MYCBP2: variants seen among roughly 807,000 people sequenced by gnomAD.
MYCBP2 encodes E3 ubiquitin-protein ligase MYCBP2.
MYCBP2 carries 120 observed loss-of-function variants against 525.3 expected under a neutral mutation model. That is an observed-to-expected ratio of 0.23 (90% CI 0.20 to 0.27). The LOEUF is 0.27. MYCBP2 is among the 10% of genes least tolerant of loss of function. The pLI, the probability that MYCBP2 is intolerant of heterozygous loss-of-function variation, is 1.00. For synonymous variants in MYCBP2, 1,894 were observed against 1,955.8 expected, an observed-to-expected ratio of 0.97 and a Z score of 0.83; for missense variants, 4,149 against 5,657.1, an observed-to-expected ratio of 0.73 and a Z score of 8.55.
In MYCBP2 at chr13:77,296,766, T is replaced by C. The variant is rs2078233626; in HGVS notation, c.303-92A>G. The C allele has an allele frequency of 5.9e-6, 6 of 1,016,592 alleles. No individual in the cohort carries two copies. In the South Asian group the frequency reaches 7.6e-5, roughly 13 times the overall value. 63.0% of individuals were successfully genotyped at this position (1,016,592 alleles called of 1,614,324 possible). A position where few individuals can be genotyped will look rare whatever the true frequency, so the allele number is the denominator to read the frequency against. On this transcript the variant is annotated intron_variant, in intron 1 of 82. Coordinates refer to ENST00000544440, the MANE Select transcript of MYCBP2 (RefSeq NM_015057.5). ...AAATGGGTATTTCCAAAGTAGACAT[T>C]TGGATCTTTTTCTTGCAAAATTTCT... is the stretch of plus-strand genomic sequence containing the variant.
chr13:77,180,948 G>C (rs1172634365), intron 33 of MYCBP2, among the ~76,000 whole-genome samples: 4 of 152,244 alleles, frequency 2.6e-5, no homozygotes, highest in Non-Finnish European at 5.9e-5. Flanking sequence ...TTTTTCTATA[G>C]GACAAGGTCT....
At chr13:77,048,274 C>A (rs1227449095) in intron 82 of MYCBP2, among the ~76,000 whole-genome samples, 1 of 152,130 alleles carries the variant, frequency 6.6e-6, no homozygotes, top group Non-Finnish European at 1.5e-5. Flanking sequence ...TGGGTCCTCA[C>A]CAGACACCTC....
intron 30 of MYCBP2, among the ~76,000 whole-genome samples, chr13:77,187,291 T>G (rs566421024): frequency 6.6e-5 from 10 of 152,220 alleles, no homozygotes; most frequent in African/African-American, 2.4e-4. Context: ...GATACCAAAC[T>G]CAACTTAAGA....
chr13:77,274,495 A>G (rs577511367), intron 4 of MYCBP2, among the ~76,000 whole-genome samples: 1 of 152,316 alleles, frequency 6.6e-6, no homozygotes, highest in Non-Finnish European at 1.5e-5. Flanking sequence ...AAGGGAAGGG[A>G]GAGAAGGAGG....
In MYCBP2 at chr13:77,097,761, T is replaced by C. The variant is rs762640470; in HGVS notation, c.9393A>G (p.Glu3131=). ...TCTCGGTTTTCCCATCCTCACATTTTTCATGCAGAGGTGGTTCCTTAAGCA... is the reference window on the plus strand; with the variant it reads ...TCTCGGTTTTCCCATCCTCACATTTCTCATGCAGAGGTGGTTCCTTAAGCA... The part of the protein sequence containing the change: ...LSMLKEPPLH[E]KCEDGKTETT... The change falls in exon 56 of 83, where the codon GAA becomes GAG. Residue 3131 remains glutamate (E), a synonymous_variant. Coordinates refer to ENST00000544440, the MANE Select transcript of MYCBP2 (RefSeq NM_015057.5). 6.2e-6 allele frequency: 10 copies of C among 1,613,694 alleles called. No homozygotes were observed. The highest frequency in any genetic ancestry group is 8.5e-6 in the Non-Finnish European group (10 of 1,179,780).
At chr13:77,179,403 A>G (rs2060008715) in intron 34 of MYCBP2, among the ~76,000 whole-genome samples, 1 of 152,158 alleles carries the variant, frequency 6.6e-6, no homozygotes, top group Non-Finnish European at 1.5e-5. Context: ...ACATTCCCCA[A>G]ATTCAGTCAA....
At chr13:77,209,360 C>T (rs1400240405) in intron 23 of MYCBP2, among the ~76,000 whole-genome samples, 1 of 152,152 alleles carries the variant, frequency 6.6e-6, no homozygotes, top group Non-Finnish European at 1.5e-5. Flanking sequence ...AAACAGATTC[C>T]ACACTGCCAA....
At chr13:77,166,666 A>C (rs960736037) in intron 40 of MYCBP2, 112 bp from the exon 41 acceptor site, 4 of 600,314 alleles carry the variant, frequency 6.7e-6, no homozygotes, top group African/African-American at 1.9e-5. Flanking sequence ...ACACAACAGG[A>C]TAAAGTACAA....
rs180807187 is a variant in MYCBP2 at position 77,165,905 on chromosome 13, A to G, written c.6340+424T>C. Among the ~76,000 whole-genome samples the G allele has an allele frequency of 2.6e-5, 4 of 152,336 alleles. No individual in the cohort carries two copies. In the East Asian group the frequency reaches 5.8e-4, roughly 22 times the overall value. ...AATGCAACAAACCATAAGTTTTAAA[A>G]CATAGTTTCTCTTCACACAAGAAAG... On this transcript the variant is annotated intron_variant, in intron 41 of 82. Transcript: ENST00000544440.
Position 77,051,937 on chromosome 13 carries a change from T to TGTGG in MYCBP2, c.13648-20_13648-19insCCAC. 6.3e-7 allele frequency: 1 copy of TGTGG among 1,599,072 alleles called. No individual in the cohort carries two copies. Among genetic ancestry groups the TGTGG allele is most frequent in the Admixed American group, 1.7e-5 (1 of 59,930 alleles). On this transcript the variant is annotated intron_variant, in intron 80 of 82. Transcript: ENST00000544440. ...AATATGCCTGTGGAGAAAACACATC[T>TGTGG]AGATTACAGCAGGAAAAAAGAAAAC...
At chr13:77,291,125 T>G (rs2154361507) in intron 2 of MYCBP2, among the ~76,000 whole-genome samples, 1 of 152,226 alleles carries the variant, frequency 6.6e-6, no homozygotes, top group Admixed American at 6.5e-5. Flanking sequence ...AGAAATGTAT[T>G]TGGAATGCAG....
In MYCBP2 at chr13:77,045,300, A is replaced by G; in HGVS notation, c.*78T>C. Reference sequence around the variant, plus strand: ...TAAAAATGGTCCCGTCCTTATCCTGAGCAGAGTTTAAACTTCACCGCATCC... The same window carrying G: ...TAAAAATGGTCCCGTCCTTATCCTGGGCAGAGTTTAAACTTCACCGCATCC... On this transcript the variant is annotated 3_prime_UTR_variant, in exon 83 of 83. Coordinates refer to ENST00000544440, the MANE Select transcript of MYCBP2 (RefSeq NM_015057.5). 1 of 937,674 alleles carries G rather than the reference A, an allele frequency of 1.1e-6. No individual in the cohort carries two copies. The highest frequency in any genetic ancestry group is 1.7e-6 in the Non-Finnish European group (1 of 585,794). 58.1% of individuals were successfully genotyped at this position (937,674 alleles called of 1,614,324 possible).
chr13:77,177,778 A>C lies in MYCBP2; in HGVS notation c.5310T>G (p.His1770Gln). The change falls in exon 35 of 83, where the codon CAT (histidine) becomes CAG (glutamine). Residue 1770 changes from histidine to glutamine, a missense_variant. Coordinates refer to ENST00000544440, the MANE Select transcript of MYCBP2 (RefSeq NM_015057.5). ...GFSVYGGGGI[H>Q]EYELEVLVDD... ...CAACCAACACCTCTAATTCATATTCATGAATTCCACCTCCTCCATAGACAG... is the reference window on the plus strand; with the variant it reads ...CAACCAACACCTCTAATTCATATTCCTGAATTCCACCTCCTCCATAGACAG... 1 of 1,613,912 alleles carries C rather than the reference A, an allele frequency of 6.2e-7. No individual in the cohort carries two copies. Among genetic ancestry groups the C allele is most frequent in the South Asian group, 1.1e-5 (1 of 91,082 alleles).
At chr13:77,173,589 T>C (rs1011061726) in intron 37 of MYCBP2, among the ~76,000 whole-genome samples, 1 of 152,150 alleles carries the variant, frequency 6.6e-6, no homozygotes, top group Admixed American at 6.5e-5. Context: ...AGACTCTTCA[T>C]GAAGGAAAGA....
chr13:77,102,265 A>G (rs1044939397), intron 55 of MYCBP2, among the ~76,000 whole-genome samples: 2 of 151,804 alleles, frequency 1.3e-5, no homozygotes, highest in African/African-American at 4.8e-5. Flanking sequence ...AATACTATAT[A>G]CTATATAGCA....
chr13:77,119,408 C>T (rs2050309859), intron 55 of MYCBP2, among the ~76,000 whole-genome samples: 1 of 151,936 alleles, frequency 6.6e-6, no homozygotes, highest in Non-Finnish European at 1.5e-5. Flanking sequence ...AACTGAAGTA[C>T]CTACACGGGA....
chr13:77,046,743 G>T (rs1309843412), intron 82 of MYCBP2, among the ~76,000 whole-genome samples: 2 of 152,236 alleles, frequency 1.3e-5, no homozygotes, highest in African/African-American at 4.8e-5. Flanking sequence ...TAACAGGCAT[G>T]AGAGTGGCAA....
At chr13:77,232,201 T>C (rs961126267) in intron 18 of MYCBP2, among the ~76,000 whole-genome samples, 1 of 152,102 alleles carries the variant, frequency 6.6e-6, no homozygotes, top group African/African-American at 2.4e-5. Flanking sequence ...AATTAGACTA[T>C]GACAATTTTG....
At chr13:77,261,722 T>G (rs1287809141) in intron 11 of MYCBP2, among the ~76,000 whole-genome samples, 1 of 151,918 alleles carries the variant, frequency 6.6e-6, no homozygotes, top group Non-Finnish European at 1.5e-5. Flanking sequence ...ATTTCGAGAA[T>G]TACCAAAGTG....
Sources: gnomAD v4.1 joint callset for allele counts (sites outside exome capture counted in the v4.1 genomes callset) on GRCh38, gnomAD v4.1.1 for gene constraint, MANE v1.5 for transcripts, NCBI Gene and HGNC (gene_info 2026-07-23, HGNC 2026-07-21) for gene names.